The following DIS3L2 variants were observed in gnomAD, a reference collection of about 807,000 sequenced individuals.
The protein encoded by DIS3L2 is DIS3-like exonuclease 2.
In DIS3L2, 34 loss-of-function variants were observed where a neutral mutation model predicts 97.5. That is an observed-to-expected ratio of 0.35 (90% CI 0.27 to 0.46). The LOEUF is 0.46. Ranked by LOEUF, DIS3L2 falls within the 20% of genes least tolerant of loss-of-function variation. The probability of loss-of-function intolerance (pLI) is 1.00; values close to 1 mark genes in which losing one functional copy is unlikely to be tolerated. For missense variants in DIS3L2, 1,038 were observed against 1,146.0 expected (o/e 0.91, Z 1.36); for synonymous variants, 435 against 445.2 (o/e 0.98, Z 0.29).
intron 6 of DIS3L2, among the ~76,000 whole-genome samples, chr2:232,112,452 A>T (rs904724943): frequency 3.3e-5 from 5 of 152,196 alleles, no homozygotes; most frequent in African/African-American, 1.2e-4. Context: ...CTTAGTCCTT[A>T]AGAGGAGAGA....
At chr2:232,111,341 A>C in intron 6 of DIS3L2, 1 of 455,338 alleles carries the variant, frequency 2.2e-6, no homozygotes, top group Non-Finnish European at 4.6e-6. Context: ...AGAGCACATC[A>C]TGGACATTGT....
At chr2:232,295,002 G>A (rs967643629) in intron 13 of DIS3L2, among the ~76,000 whole-genome samples, 6 of 151,960 alleles carry the variant, frequency 3.9e-5, no homozygotes, top group Admixed American at 6.6e-5. Context: ...ATATGCTGCC[G>A]TATTGTATCT....
chr2:232,073,498 G>A (rs1696095857), intron 5 of DIS3L2, among the ~76,000 whole-genome samples: 1 of 152,062 alleles, frequency 6.6e-6, no homozygotes, highest in Non-Finnish European at 1.5e-5. Flanking sequence ...AATGTAATAG[G>A]GTTTATTTGC....
At chr2:231,980,150 A>G (rs1389263982) in intron 1 of DIS3L2, among the ~76,000 whole-genome samples, 1 of 152,096 alleles carries the variant, frequency 6.6e-6, no homozygotes, top group Non-Finnish European at 1.5e-5. Context: ...TTTCTCATCT[A>G]TTTTGGGCAT....
intron 12 of DIS3L2, among the ~76,000 whole-genome samples, chr2:232,256,195 T>G (rs1328136285): frequency 6.6e-6 from 1 of 152,244 alleles, no homozygotes; most frequent in Non-Finnish European, 1.5e-5. Context: ...CTGCCTGTCT[T>G]CTGTGCTGGA....
At chr2:231,991,862 C>T (rs1693592594) in intron 1 of DIS3L2, among the ~76,000 whole-genome samples, 1 of 152,146 alleles carries the variant, frequency 6.6e-6, no homozygotes, top group African/African-American at 2.4e-5. Context: ...GTAAGCATTT[C>T]CTGAGTATCC....
chr2:232,185,131 C>T (rs1691400183), intron 9 of DIS3L2, among the ~76,000 whole-genome samples: 2 of 152,216 alleles, frequency 1.3e-5, no homozygotes, highest in South Asian at 4.1e-4. Flanking sequence ...GGTGCTAACT[C>T]AGTACATGGC....
chr2:232,139,354 C>T (rs919667508), intron 8 of DIS3L2, among the ~76,000 whole-genome samples: 1 of 152,174 alleles, frequency 6.6e-6, no homozygotes, highest in African/African-American at 2.4e-5. Flanking sequence ...CAACAGCACA[C>T]GTGGCCCCAA....
At chr2:232,341,871 C>T (rs1022589200), downstream of DIS3L2, among the ~76,000 whole-genome samples, 10 of 152,198 alleles carry the variant, frequency 6.6e-5, no homozygotes, top group African/African-American at 1.9e-4. Context: ...TGGAGAAGCC[C>T]TTATGGAGGG....
In DIS3L2 at chr2:232,158,306, C is replaced by CGTGT. The variant is rs111880090; in HGVS notation, c.951-5127_951-5124dup. On this transcript the variant is annotated intron_variant, in intron 8 of 20. Coordinates refer to ENST00000325385, the MANE Select transcript of DIS3L2 (RefSeq NM_152383.5). Reference sequence around the variant, plus strand: ...AACCTTTCTGCATCCTCCTTTATATCGTGTGTGTGTGTGTGTGTGTGTGTG... The same window carrying CGTGT: ...AACCTTTCTGCATCCTCCTTTATATCGTGTGTGTGTGTGTGTGTGTGTGTGTGTG... Among the ~76,000 whole-genome samples, 1,212 of 150,558 alleles carry CGTGT rather than the reference C, an allele frequency of 8.1e-3. 7 individuals carry two copies. The highest frequency in any genetic ancestry group is 9.8e-3 in the Non-Finnish European group (664 of 67,510).
At chr2:232,193,875 A>G (rs941369064) in intron 9 of DIS3L2, among the ~76,000 whole-genome samples, 1 of 152,180 alleles carries the variant, frequency 6.6e-6, no homozygotes, top group East Asian at 1.9e-4. Flanking sequence ...TTGGGAGGCC[A>G]AGGCAGGCGG....
intron 9 of DIS3L2, among the ~76,000 whole-genome samples, chr2:232,183,944 TCAC>T (rs1332024910): frequency 6.6e-6 from 1 of 152,208 alleles, no homozygotes; most frequent in South Asian, 2.1e-4. Context: ...CCACTGGTTT[TCAC>T]CACGATTACA....
chr2:232,236,738 A>G (rs1257881903), intron 10 of DIS3L2, among the ~76,000 whole-genome samples: 3 of 151,990 alleles, frequency 2.0e-5, no homozygotes, highest in Non-Finnish European at 4.4e-5. Flanking sequence ...TTTAAACTGT[A>G]TACTTATTTT....
At chr2:232,153,815 C>T (rs532215372) in intron 8 of DIS3L2, among the ~76,000 whole-genome samples, 197 of 152,188 alleles carry the variant, frequency 1.3e-3, no homozygotes, top group African/African-American at 4.7e-3. Flanking sequence ...TGGTTCCATT[C>T]TCCCCATCAC....
intron 6 of DIS3L2, among the ~76,000 whole-genome samples, chr2:232,112,604 C>T (rs556819164): frequency 6.6e-6 from 1 of 152,258 alleles, no homozygotes; most frequent in South Asian, 2.1e-4. Flanking sequence ...GGAAAACCAA[C>T]ACATTGACTG....
At chr2:232,332,705 G>A (rs1695773941) in intron 16 of DIS3L2, among the ~76,000 whole-genome samples, 1 of 152,136 alleles carries the variant, frequency 6.6e-6, no homozygotes, top group South Asian at 2.1e-4. Flanking sequence ...CTCAGCCCCC[G>A]GGAGGGTCAG....
At chr2:232,288,811 A>G (rs1006812801) in intron 13 of DIS3L2, among the ~76,000 whole-genome samples, 1 of 152,082 alleles carries the variant, frequency 6.6e-6, no homozygotes, top group Non-Finnish European at 1.5e-5. Flanking sequence ...ATTTTTATGT[A>G]TGTTTGGCTT....
At chr2:232,068,196 T>C (rs1695903307) in intron 5 of DIS3L2, among the ~76,000 whole-genome samples, 1 of 152,164 alleles carries the variant, frequency 6.6e-6, no homozygotes, top group African/African-American at 2.4e-5. Flanking sequence ...ATATTTTAGA[T>C]TTTTAAAATC....
chr2:232,296,147 C>T (rs1381476666), intron 13 of DIS3L2, among the ~76,000 whole-genome samples: 6 of 152,208 alleles, frequency 3.9e-5, no homozygotes, highest in South Asian at 2.1e-4. Context: ...TGTTTTTCTT[C>T]CTTGTCAGGG....
Sources: allele counts gnomAD v4.1 joint callset (sites outside exome capture counted in the v4.1 genomes callset), GRCh38; gene constraint gnomAD v4.1.1; transcripts MANE v1.5; gene names NCBI Gene and HGNC (gene_info 2026-07-23, HGNC 2026-07-21).